Variants in PMEL observed in about 807,000 individuals in gnomAD.
PMEL encodes melanocyte protein PMEL.
A neutral mutation model predicts 64.9 loss-of-function variants in PMEL; 53 were observed. That is an observed-to-expected ratio of 0.82 (90% confidence interval 0.66 to 1.03). The LOEUF (loss-of-function observed/expected upper bound fraction) is 1.03, where lower values mean the gene tolerates loss of function less well. Ranked by LOEUF, PMEL falls within the 50% of genes least tolerant of loss-of-function variation. The pLI is 0.00. For synonymous variants in PMEL, 299 were observed against 316.2 expected, an observed-to-expected ratio of 0.95 and a Z score of 0.58; for missense variants, 716 against 814.9, an observed-to-expected ratio of 0.88 and a Z score of 1.48.
chr12:55,960,255 A>G (rs997370190), intron 3 of PMEL, among the ~76,000 whole-genome samples: 1 of 151,392 alleles, frequency 6.6e-6, no homozygotes, highest in African/African-American at 2.4e-5. Flanking sequence ...AGAAAAAAAA[A>G]GAAATGGAAA....
At chr12:55,963,868 C>T (rs577680985) in intron 1 of PMEL, among the ~76,000 whole-genome samples, 1 of 151,242 alleles carries the variant, frequency 6.6e-6, no homozygotes, top group South Asian at 2.1e-4. Context: ...GCAGAAACCT[C>T]TCTCCCCTCC....
Position 55,965,987 on chromosome 12 carries a change from G to T in PMEL, c.25C>A (p.Leu9Ile). Reference protein sequence around the residue: MDLVLKRCLLHLAVIGALL... With the variant: MDLVLKRCILHLAVIGALL... ...GCACCTATCACAGCCAAATGAAGAA[G>T]GCATCTTTTTAGCACCAGATCCATT... The change falls in exon 1 of 11, where the codon CTT becomes ATT. Residue 9 changes from leucine (L) to isoleucine (I), a missense_variant. Transcript: ENST00000548747. 1 of 1,614,152 alleles carries T rather than the reference G, an allele frequency of 6.2e-7. No individual in the cohort carries two copies. The highest frequency in any genetic ancestry group is 1.1e-5 in the South Asian group (1 of 91,084).
chr12:55,962,448 C>CAAAAAAAAA (rs1197796228), intron 1 of PMEL, among the ~76,000 whole-genome samples: 78 of 37,166 alleles, frequency 2.1e-3, no homozygotes, highest in East Asian at 3.7e-3. Context: ...GACTCCATCT[C>CAAAAAAAAA]AAAAAAAAAA....
chr12:55,955,106 G>T (rs946536959), intron 10 of PMEL, among the ~76,000 whole-genome samples, 168 bp downstream of exon 10: 1 of 152,144 alleles, frequency 6.6e-6, no homozygotes, highest in Non-Finnish European at 1.5e-5. Flanking sequence ...ACTTCCCCCA[G>T]GTCCTACAAG....
rs756955576 is a variant in PMEL, at chr12:55,955,523, T to C, written c.1703A>G (p.Asn568Ser). The C allele has an allele frequency of 1.2e-5, 20 of 1,613,976 alleles. No individual in the cohort carries two copies. Among genetic ancestry groups the C allele is most frequent in the African/African-American group, 4.0e-5 (3 of 74,902 alleles). ...LKGGSGTYCL[N>S]VSLADTNSLA... ...GCTGTTGGTATCAGCCAGAGACACATTGAGGCAGTATGTCCCCGAGCCACC... is the reference window on the plus strand; with the variant it reads ...GCTGTTGGTATCAGCCAGAGACACACTGAGGCAGTATGTCCCCGAGCCACC... The change falls in exon 9 of 11, where the codon AAT becomes AGT. Residue 568 changes from asparagine (N) to serine (S), a missense_variant. Asn to Ser is a conservative substitution (Grantham distance 46). Transcript: ENST00000548747.
intron 1 of PMEL, among the ~76,000 whole-genome samples, chr12:55,962,627 A>C (rs1170042998): frequency 7.0e-6 from 1 of 142,902 alleles, no homozygotes; most frequent in Non-Finnish European, 1.5e-5. Context: ...GGATTCAAGC[A>C]ATTCTCGTTC....
Position 55,961,729 on chromosome 12 carries a change from G to C in PMEL, c.80C>G (p.Pro27Arg). The change falls in exon 2 of 11, where the codon CCC becomes CGC. Residue 27 changes from proline to arginine, a missense_variant. Pro to Arg is a moderately radical substitution (Grantham distance 103). Coordinates refer to ENST00000548747, the MANE Select transcript of PMEL (RefSeq NM_001384361.1). ...GACACCAAGCCAGTCCTGGTTTCTGGGTACTAAAAGGAATGTGCCATGAAG... is the reference window on the plus strand; with the variant it reads ...GACACCAAGCCAGTCCTGGTTTCTGCGTACTAAAAGGAATGTGCCATGAAG... ...ALLAVGATKV[P>R]RNQDWLGVSR... 6.2e-7 allele frequency: 1 copy of C among 1,610,938 alleles called. No homozygotes were observed.
chr12:55,958,111 G>A (rs1238714439), intron 4 of PMEL, 27 bp from the exon 5 acceptor site: 1 of 1,612,484 alleles, frequency 6.2e-7, no homozygotes. Flanking sequence ...GAAAAGCAAG[G>A]AAGAAGAGAT....
chr12:55,957,850 C>G, intron 5 of PMEL, 73 bp downstream of exon 5: 2 of 1,577,786 alleles, frequency 1.3e-6, no homozygotes, highest in Non-Finnish European at 1.7e-6. Flanking sequence ...TCACCTTTCT[C>G]CTTTCCAGTC....
intron 5 of PMEL, 90 bp from the exon 6 acceptor site, chr12:55,957,761 T>C (rs1888948062): frequency 6.5e-7 from 1 of 1,532,884 alleles, no homozygotes; most frequent in Non-Finnish European, 8.8e-7. Context: ...GCTGACTGGC[T>C]GGCCCTTCAC....
At chr12:55,961,832 G>A in intron 1 of PMEL, 100 bp from the exon 2 acceptor site, 2 of 661,214 alleles carry the variant, frequency 3.0e-6, no homozygotes, top group Admixed American at 3.0e-5. Flanking sequence ...CATTCGAAGT[G>A]CATTTTTTTT....
At chr12:55,965,848 G>T (rs1317238111) in intron 1 of PMEL, 88 bp downstream of exon 1, 3 of 1,499,292 alleles carry the variant, frequency 2.0e-6, no homozygotes, top group Non-Finnish European at 2.8e-6. Context: ...AAATATTGCC[G>T]CTATCTCCCA....
intron 4 of PMEL, 177 bp downstream of exon 4, chr12:55,958,296 G>T (rs1000922339): frequency 6.3e-6 from 5 of 792,344 alleles, no homozygotes; most frequent in Admixed American, 2.9e-5. Flanking sequence ...TTGCCAGAAA[G>T]AATTATGATA....
chr12:55,960,494 T>A (rs113653587), intron 3 of PMEL, among the ~76,000 whole-genome samples: 5,404 of 149,928 alleles, frequency 0.036, 326 homozygotes, highest in African/African-American at 0.13. Flanking sequence ...GACTGCTAAG[T>A]AGCAGGGACT....
At chr12:55,956,878 C>A in intron 6 of PMEL, 71 bp downstream of exon 6, 1 of 1,518,348 alleles carries the variant, frequency 6.6e-7, no homozygotes, top group Non-Finnish European at 9.0e-7. Flanking sequence ...ACATCTGAGT[C>A]CTGGGTAAGA....
intron 3 of PMEL, among the ~76,000 whole-genome samples, chr12:55,959,202 A>G (rs918122965): frequency 2.7e-5 from 4 of 150,862 alleles, no homozygotes; most frequent in African/African-American, 9.7e-5. Flanking sequence ...CAACATAGCA[A>G]GACCCTGTCT....
At chr12:55,962,830 C>T (rs1889157411) in intron 1 of PMEL, among the ~76,000 whole-genome samples, 1 of 151,524 alleles carries the variant, frequency 6.6e-6, no homozygotes, top group East Asian at 2.0e-4. Context: ...TGCGCCTCGC[C>T]TGTTTTGTTT....
chr12:55,954,164 A>C lies in PMEL; in HGVS notation c.*50T>G. ...TCTCCCAGGGAAGACTGGGGGAAAT[A>C]TAGGTGTTTCTGTCAACTCCAGGAA... On this transcript the variant is annotated 3_prime_UTR_variant, in exon 11 of 11. Coordinates refer to ENST00000548747, the MANE Select transcript of PMEL (RefSeq NM_001384361.1). 1 of 1,544,270 alleles carries C rather than the reference A, an allele frequency of 6.5e-7. No individual in the cohort carries two copies. The highest frequency in any genetic ancestry group is 1.2e-5 in the South Asian group (1 of 83,922).
At chr12:55,966,319 G>A (rs1427535259), upstream of PMEL, 4 of 386,998 alleles carry the variant, frequency 1.0e-5, no homozygotes, top group African/African-American at 6.1e-5. Context: ...TCATGGGAGA[G>A]TGAATTAAAC....
Sources: gnomAD v4.1 joint callset for allele counts (sites outside exome capture counted in the v4.1 genomes callset) on GRCh38, gnomAD v4.1.1 for gene constraint, MANE v1.5 for transcripts, NCBI Gene and HGNC (gene_info 2026-07-23, HGNC 2026-07-21) for gene names.